Variants in ARHGAP15 observed in about 807,000 individuals in gnomAD.
ARHGAP15 encodes Rho GTPase activating protein 15, also known as rho GTPase-activating protein 15.
A neutral mutation model predicts 63.7 loss-of-function variants in ARHGAP15; 51 were observed. That is an observed-to-expected ratio of 0.80 (90% CI 0.64 to 1.01). The LOEUF is 1.01. Ranked by LOEUF, ARHGAP15 falls within the 50% of genes least tolerant of loss-of-function variation. ARHGAP15 has a pLI of 0.00. For synonymous variants in ARHGAP15, 191 were observed against 193.8 expected, an observed-to-expected ratio of 0.99 and a Z score of 0.12; for missense variants, 560 against 564.6, an observed-to-expected ratio of 0.99 and a Z score of 0.08.
chr2:143,751,054 T>G (rs1686353065), intron 13 of ARHGAP15, among the ~76,000 whole-genome samples: 1 of 152,198 alleles, frequency 6.6e-6, no homozygotes, highest in Non-Finnish European at 1.5e-5. Context: ...GAGCTCATGG[T>G]TGCTGTCACA....
chr2:143,386,235 C>T (rs961167835), intron 6 of ARHGAP15, among the ~76,000 whole-genome samples: 6 of 151,826 alleles, frequency 4.0e-5, no homozygotes, highest in Admixed American at 1.3e-4. Flanking sequence ...ATAAACTAGA[C>T]AAAAATGGCC....
chr2:143,763,177 TAA>T (rs1686821854), intron 13 of ARHGAP15, among the ~76,000 whole-genome samples: 1 of 152,034 alleles, frequency 6.6e-6, no homozygotes, highest in Non-Finnish European at 1.5e-5. Flanking sequence ...AAATAGGTAA[TAA>T]TTAGATGTAA....
chr2:143,504,036 T>C (rs1411406136), intron 9 of ARHGAP15, among the ~76,000 whole-genome samples: 4 of 152,304 alleles, frequency 2.6e-5, no homozygotes, highest in Non-Finnish European at 5.9e-5. Flanking sequence ...TTTATCATTT[T>C]ATGGTCTTTA....
intron 7 of ARHGAP15, among the ~76,000 whole-genome samples, chr2:143,436,475 G>GT (rs1222897760): frequency 2.0e-5 from 3 of 152,146 alleles, no homozygotes; most frequent in African/African-American, 7.2e-5. Context: ...AAAGGGGTGT[G>GT]TGTGTGAATG....
chr2:143,274,750 C>G (rs1681457839), intron 6 of ARHGAP15, among the ~76,000 whole-genome samples: 1 of 152,166 alleles, frequency 6.6e-6, no homozygotes, highest in Admixed American at 6.5e-5. Context: ...TTCATAACGA[C>G]ATTAATAGGT....
At chr2:143,405,278 T>TTCTGC (rs1688151372) in intron 6 of ARHGAP15, among the ~76,000 whole-genome samples, 1 of 151,878 alleles carries the variant, frequency 6.6e-6, no homozygotes, top group South Asian at 2.1e-4. Context: ...GTGTTTTTTT[T>TTCTGC]TTCTGCTTTT....
chr2:143,412,868 C>T (rs1688502001), intron 6 of ARHGAP15, among the ~76,000 whole-genome samples: 1 of 152,090 alleles, frequency 6.6e-6, no homozygotes. Context: ...TTTCTCTGTG[C>T]TCCAGGTATG....
intron 6 of ARHGAP15, among the ~76,000 whole-genome samples, chr2:143,351,790 GT>G (rs1685585715): frequency 6.6e-6 from 1 of 151,990 alleles, no homozygotes; most frequent in Non-Finnish European, 1.5e-5. Flanking sequence ...AACTACTCTG[GT>G]ACCCTGGAGC....
At position 143,253,953 on chromosome 2, in the gene ARHGAP15, T is replaced by A. The variant is rs7576679; in HGVS notation, c.474+3353T>A. Among the ~76,000 whole-genome samples, 748 of 152,174 alleles carry A rather than the reference T, an allele frequency of 4.9e-3. 5 individuals carry two copies. The highest frequency in any genetic ancestry group is 0.016 in the African/African-American group (654 of 41,536). On this transcript the variant is annotated intron_variant, in intron 6 of 13. Transcript: ENST00000295095. The stretch of plus-strand genomic sequence containing the variant: ...TGCTAACTTTTGTTTAATTCTGCAT[T>A]TATGTTCATTGTCAAGGACTGTCAC...
At chr2:143,291,470 T>G (rs900929808) in intron 6 of ARHGAP15, among the ~76,000 whole-genome samples, 1 of 147,608 alleles carries the variant, frequency 6.8e-6, no homozygotes, top group Non-Finnish European at 1.5e-5. Context: ...GCTTGCTAAG[T>G]GTTATGCCAT....
chr2:143,408,301 A>G (rs1320510868), intron 6 of ARHGAP15, among the ~76,000 whole-genome samples: 2 of 149,582 alleles, frequency 1.3e-5, no homozygotes, highest in Admixed American at 1.3e-4. Flanking sequence ...GATTTTTTCT[A>G]TAAAAATCTA....
At chr2:143,723,189 G>A (rs539030840) in intron 13 of ARHGAP15, among the ~76,000 whole-genome samples, 24 of 152,344 alleles carry the variant, frequency 1.6e-4, no homozygotes, top group Non-Finnish European at 3.2e-4. Flanking sequence ...ATCTAGGCTT[G>A]TGTAAGTACA....
chr2:143,489,112 A>G (rs985380246), intron 9 of ARHGAP15, among the ~76,000 whole-genome samples: 1 of 152,202 alleles, frequency 6.6e-6, no homozygotes, highest in African/African-American at 2.4e-5. Context: ...CTAACTTTAC[A>G]TAATGTCCGA....
intron 6 of ARHGAP15, among the ~76,000 whole-genome samples, chr2:143,341,298 C>G (rs953293942): frequency 6.6e-6 from 1 of 152,102 alleles, no homozygotes; most frequent in African/African-American, 2.4e-5. Context: ...CTTTAAGACA[C>G]TGTCATATTT....
chr2:143,290,965 G>C (rs1682367339), intron 6 of ARHGAP15, among the ~76,000 whole-genome samples: 1 of 152,148 alleles, frequency 6.6e-6, no homozygotes, highest in Non-Finnish European at 1.5e-5. Context: ...AAAGACAGAA[G>C]AGAAGGAAGA....
At chr2:143,690,096 A>G (rs1268347657) in intron 12 of ARHGAP15, among the ~76,000 whole-genome samples, 1 of 152,220 alleles carries the variant, frequency 6.6e-6, no homozygotes, top group Non-Finnish European at 1.5e-5. Flanking sequence ...ACACTTGAAG[A>G]AATATAAGGA....
At chr2:143,171,600 A>G (rs1300993371) in intron 2 of ARHGAP15, among the ~76,000 whole-genome samples, 1 of 152,146 alleles carries the variant, frequency 6.6e-6, no homozygotes, top group Non-Finnish European at 1.5e-5. Context: ...GTTGGAGATG[A>G]TTCCACCTGT....
At chr2:143,153,125 C>G (rs1365349096) in intron 1 of ARHGAP15, among the ~76,000 whole-genome samples, 1 of 151,772 alleles carries the variant, frequency 6.6e-6, no homozygotes, top group African/African-American at 2.4e-5. Context: ...GAAATTTGTC[C>G]AGCTTCTGAG....
chr2:143,668,504 G>A (rs1171580132), intron 12 of ARHGAP15, among the ~76,000 whole-genome samples: 1 of 152,142 alleles, frequency 6.6e-6, no homozygotes, highest in Non-Finnish European at 1.5e-5. Context: ...ACAAATGAGA[G>A]ACTAGCATTC....
Sources: gnomAD v4.1 joint callset for allele counts (sites outside exome capture counted in the v4.1 genomes callset) on GRCh38, gnomAD v4.1.1 for gene constraint, MANE v1.5 for transcripts, NCBI Gene and HGNC (gene_info 2026-07-23, HGNC 2026-07-21) for gene names.